The following CRADD variants were observed in gnomAD, a reference collection of about 807,000 sequenced individuals.
CRADD encodes CARD and death domain containing adaptor protein, also known as death domain-containing protein CRADD.
CRADD carries 9 observed loss-of-function variants against 15.5 expected under a neutral mutation model. The observed-to-expected ratio is 0.58, with a 90% confidence interval of 0.35 to 1.01. The LOEUF (loss-of-function observed/expected upper bound fraction) is 1.01. CRADD is among the 50% of genes least tolerant of loss of function. The probability of loss-of-function intolerance (pLI) is 0.02; values close to 1 mark genes in which losing one functional copy is unlikely to be tolerated. For missense variants in CRADD, 227 were observed against 250.3 expected, an observed-to-expected ratio of 0.91 and a Z score of 0.63; for synonymous variants, 118 against 107.6, an observed-to-expected ratio of 1.10 and a Z score of -0.60.
chr12:93,768,509 T>G (rs2136957642), intron 2 of CRADD, among the ~76,000 whole-genome samples: 1 of 151,626 alleles, frequency 6.6e-6, no homozygotes, highest in South Asian at 2.1e-4. Flanking sequence ...TTTTTATGAA[T>G]CCTCACTTTC....
intron 2 of CRADD, among the ~76,000 whole-genome samples, chr12:93,793,167 C>A (rs1957370377): frequency 6.6e-6 from 1 of 152,152 alleles, no homozygotes; most frequent in Non-Finnish European, 1.5e-5. Flanking sequence ...ATGCATCCTT[C>A]CCCCAGTTTA....
At chr12:93,803,650 C>CTTTTTTTTGAGATTGAGTTT (rs1565919814) in intron 2 of CRADD, among the ~76,000 whole-genome samples, 7 of 151,524 alleles carry the variant, frequency 4.6e-5, no homozygotes, top group East Asian at 3.9e-4. Context: ...CAAATTACTT[C>CTTTTTTTTGAGATTGAGTTT]CAGCTGAAAT....
Position 93,850,541 on chromosome 12 carries a change from T to G in CRADD, c.*270T>G. 8.9e-7 allele frequency: 1 copy of G among 1,120,994 alleles called. No homozygotes were observed. Among genetic ancestry groups the G allele is most frequent in the African/African-American group, 1.6e-5 (1 of 60,992 alleles). 69.4% of individuals were successfully genotyped at this position (1,120,994 alleles called of 1,614,324 possible). A position where few individuals can be genotyped will look rare whatever the true frequency, so the allele number is the denominator to read the frequency against. On this transcript the variant is annotated 3_prime_UTR_variant, in exon 3 of 3. Transcript: ENST00000332896. This position sits in a 1 kb window ranked among gnomAD's most constrained non-coding sequence, Gnocchi z 4.0. ...TCAGTTTTTAAATGTGTAATGGCATTTTAATAGACTAGTAAATCACAGTGG... is the reference window on the plus strand; with the variant it reads ...TCAGTTTTTAAATGTGTAATGGCATGTTAATAGACTAGTAAATCACAGTGG...
intron 2 of CRADD, among the ~76,000 whole-genome samples, chr12:93,754,575 TAGG>T (rs1431424819): frequency 6.6e-6 from 1 of 152,254 alleles, no homozygotes; most frequent in African/African-American, 2.4e-5. Context: ...CATAGATCTT[TAGG>T]GCAGGGGCAA....
chr12:93,850,455 C>G lies in CRADD; in HGVS notation c.*184C>G. On this transcript the variant is annotated 3_prime_UTR_variant, in exon 3 of 3. Coordinates refer to ENST00000332896, the MANE Select transcript of CRADD (RefSeq NM_003805.5). This position sits in a 1 kb window ranked among gnomAD's most constrained non-coding sequence, Gnocchi z 4.0. The stretch of plus-strand genomic sequence containing the variant: ...AAAGGCCAGATTACTCAGCAGATCT[C>G]CCATGTTGGCTCAACAATTCTTTGT... 1 of 1,337,404 alleles carries G rather than the reference C, an allele frequency of 7.5e-7. No individual in the cohort carries two copies. The highest frequency in any genetic ancestry group is 9.5e-7 in the Non-Finnish European group (1 of 1,051,346). The allele number at this position is 1,337,404 out of a possible 1,614,324, so 82.8% of individuals were successfully genotyped here.
chr12:93,699,914 G>C (rs1955801645), intron 2 of CRADD, among the ~76,000 whole-genome samples: 2 of 152,198 alleles, frequency 1.3e-5, no homozygotes, highest in South Asian at 2.1e-4. Context: ...TACGAATTCT[G>C]AACATGTACT....
At chr12:93,840,694 G>A (rs1269240234) in intron 2 of CRADD, among the ~76,000 whole-genome samples, 1 of 152,040 alleles carries the variant, frequency 6.6e-6, no homozygotes, top group Admixed American at 6.6e-5. Flanking sequence ...AGCCTCCCGA[G>A]TAGCTGGGAT....
chr12:93,695,719 A>G (rs1457059718), intron 2 of CRADD, among the ~76,000 whole-genome samples: 2 of 152,222 alleles, frequency 1.3e-5, no homozygotes, highest in African/African-American at 4.8e-5. Flanking sequence ...CCTGGCCAAC[A>G]TGGTGAAACC....
chr12:93,812,426 G>T (rs1957638800), intron 2 of CRADD, among the ~76,000 whole-genome samples: 1 of 151,738 alleles, frequency 6.6e-6, no homozygotes, highest in South Asian at 2.1e-4. Context: ...CATAATCCTA[G>T]CACTTTGGGA....
At chr12:93,794,865 C>G (rs1957395788) in intron 2 of CRADD, among the ~76,000 whole-genome samples, 1 of 152,168 alleles carries the variant, frequency 6.6e-6, no homozygotes, top group Non-Finnish European at 1.5e-5. Context: ...TCAAATATAC[C>G]AAGTGGGAGT....
intron 2 of CRADD, chr12:93,735,767 C>T (rs1287755165): frequency 4.6e-5 from 7 of 151,704 alleles, no homozygotes; most frequent in Admixed American, 3.9e-4. Flanking sequence ...AAATTGGAAC[C>T]GTATTATTTG....
chr12:93,843,474 G>A (rs1467187211), intron 2 of CRADD, among the ~76,000 whole-genome samples: 3 of 148,280 alleles, frequency 2.0e-5, no homozygotes, highest in Non-Finnish European at 4.4e-5. Context: ...CCGCCTCCCA[G>A]AGTCAAACAA....
At chr12:93,861,592 C>T (rs1271559612) in intron 2 of CRADD, among the ~76,000 whole-genome samples, 1 of 152,178 alleles carries the variant, frequency 6.6e-6, no homozygotes, top group East Asian at 1.9e-4. Flanking sequence ...CACCTCAACT[C>T]AGGACAACTC....
At chr12:93,729,431 C>T (rs572564414) in intron 2 of CRADD, among the ~76,000 whole-genome samples, 4 of 152,100 alleles carry the variant, frequency 2.6e-5, no homozygotes, top group Non-Finnish European at 4.4e-5. Context: ...TATTTATAAT[C>T]TTGTGGTAGC....
At chr12:93,721,010 T>C (rs996807996) in intron 2 of CRADD, among the ~76,000 whole-genome samples, 3 of 152,238 alleles carry the variant, frequency 2.0e-5, no homozygotes, top group African/African-American at 7.2e-5. Context: ...TTCCACACTT[T>C]TTTGCCTTTT....
chr12:93,730,904 C>T (rs1565892064), intron 2 of CRADD, among the ~76,000 whole-genome samples: 2 of 151,820 alleles, frequency 1.3e-5, no homozygotes, highest in Non-Finnish European at 2.9e-5. Context: ...TTAGTAGAGA[C>T]GGGGTTTCAC....
intron 2 of CRADD, among the ~76,000 whole-genome samples, chr12:93,827,284 C>A (rs1342231875): frequency 6.6e-6 from 1 of 152,176 alleles, no homozygotes; most frequent in African/African-American, 2.4e-5. Context: ...GTGTTGGTTT[C>A]ATTTCCTAGA....
chr12:93,724,947 G>A (rs1009986378), intron 2 of CRADD, among the ~76,000 whole-genome samples: 4 of 151,828 alleles, frequency 2.6e-5, no homozygotes, highest in Non-Finnish European at 4.4e-5. Flanking sequence ...TGCAAGCTCC[G>A]CCTCCCGGGT....
intron 2 of CRADD, among the ~76,000 whole-genome samples, chr12:93,782,098 A>T (rs7971492): frequency 6.6e-6 from 1 of 151,582 alleles, no homozygotes; most frequent in Non-Finnish European, 1.5e-5. Context: ...CAACCCAAAT[A>T]TCCAACAATG....
Sources: gnomAD v4.1 joint callset for allele counts (sites outside exome capture counted in the v4.1 genomes callset) on GRCh38, gnomAD v4.1.1 for gene constraint, Gnocchi (gnomAD v3.1) non-coding constraint, MANE v1.5 for transcripts, NCBI Gene and HGNC (gene_info 2026-07-23, HGNC 2026-07-21) for gene names.